Variants in ROBO3 observed in about 807,000 individuals in gnomAD.
The protein encoded by ROBO3 is roundabout guidance receptor 3.
In ROBO3, 97 loss-of-function variants were observed where a neutral mutation model predicts 160.5. That is an observed-to-expected ratio of 0.60 (90% confidence interval 0.51 to 0.72). ROBO3 has a LOEUF of 0.72. Among genes scored for constraint, ROBO3 ranks in the 30% least tolerant of loss-of-function variants. The probability of loss-of-function intolerance (pLI) is 0.00; values close to 1 mark genes in which losing one functional copy is unlikely to be tolerated. For missense variants in ROBO3, 1,858 were observed against 1,846.5 expected (o/e 1.01, Z -0.11); for synonymous variants, 780 against 746.2 (o/e 1.05, Z -0.74).
rs772338371 is a variant in ROBO3 at position 124,876,297 on chromosome 11, C to A, written c.2616C>A (p.Pro872=). Residue 872 remains proline (P), a synonymous_variant, in exon 17 of 28, where the codon CCC becomes CCA. Transcript: ENST00000397801. This position sits in a 1 kb window ranked among gnomAD's most constrained non-coding sequence, Gnocchi z 5.3. The part of the protein sequence containing the change: ...VQLPSPPDLE[P]GLEVGAGLAV... ...CAGCGTCCCCGCCGGACCTGGAGCC[C>A]GGGCTGGAGGTGGGCGCGGGGCTGG... is the stretch of plus-strand genomic sequence containing the variant. 3.4e-6 allele frequency: 5 copies of A among 1,459,552 alleles called. No individual in the cohort carries two copies. Among genetic ancestry groups the A allele is most frequent in the Non-Finnish European group, 4.5e-6 (5 of 1,118,506 alleles). The allele number at this position is 1,459,552 out of a possible 1,614,324, so 90.4% of individuals were successfully genotyped here. A position where few individuals can be genotyped will look rare whatever the true frequency, so the allele number is the denominator to read the frequency against.
In ROBO3 at chr11:124,869,429, G is replaced by GCGGCCCCCCCCCCC; in HGVS notation, c.488-20_488-19insGGCCCCCCCCCCCC. The GCGGCCCCCCCCCCC allele has an allele frequency of 7.7e-7, 1 of 1,295,746 alleles. No homozygotes were observed. Among genetic ancestry groups the GCGGCCCCCCCCCCC allele is most frequent in the Non-Finnish European group, 1.1e-6 (1 of 929,924 alleles). The allele number at this position is 1,295,746 out of a possible 1,614,324, so 80.3% of individuals were successfully genotyped here. A position where few individuals can be genotyped will look rare whatever the true frequency, so the allele number is the denominator to read the frequency against. On this transcript the variant is annotated intron_variant, in intron 2 of 27. Transcript: ENST00000397801. The surrounding 1 kb of genome is among the most constrained non-coding windows in gnomAD (Gnocchi z 4.2). ...TGTCACTCTACACCCTGCTTATTTC[G>GCGGCCCCCCCCCCC]CCCCCCACCGCCCCGCCCAGTCCTC...
At position 124,873,552 on chromosome 11, in the gene ROBO3, C is replaced by T; in HGVS notation, c.1619-145C>T. 1.0e-6 allele frequency: 1 copy of T among 957,316 alleles called. No individual in the cohort carries two copies. 59.3% of individuals were successfully genotyped at this position (957,316 alleles called of 1,614,324 possible). On this transcript the variant is annotated intron_variant, in intron 10 of 27. Transcript: ENST00000397801. The surrounding 1 kb of genome is among the most constrained non-coding windows in gnomAD (Gnocchi z 4.5). Reference sequence around the variant, plus strand: ...GGACAGTAGTGGTACCCATGGGAGGCAGATGTGAGTAGGGGTTCATATACT... The same window carrying T: ...GGACAGTAGTGGTACCCATGGGAGGTAGATGTGAGTAGGGGTTCATATACT...
Position 124,878,290 on chromosome 11 carries a change from C to G in ROBO3, c.3182-8C>G, listed in dbSNP as rs768031042. 3.4e-6 allele frequency: 5 copies of G among 1,462,846 alleles called. No individual in the cohort carries two copies. The highest frequency in any genetic ancestry group is 4.7e-6 in the Non-Finnish European group (5 of 1,066,858). 90.6% of individuals were successfully genotyped at this position (1,462,846 alleles called of 1,614,324 possible). On this transcript the variant is annotated splice_polypyrimidine_tract_variant and splice_region_variant and intron_variant, in intron 21 of 27. Coordinates refer to ENST00000397801, the MANE Select transcript of ROBO3 (RefSeq NM_022370.4). This position sits in a 1 kb window ranked among gnomAD's most constrained non-coding sequence, Gnocchi z 4.3. Reference sequence around the variant, plus strand: ...GTTCTCCGGGTGTCCCCATCCTATTCTCCTCAGGAGCCAAGGGAGGCAAAG... The same window carrying G: ...GTTCTCCGGGTGTCCCCATCCTATTGTCCTCAGGAGCCAAGGGAGGCAAAG...
In ROBO3 at chr11:124,873,140, C is replaced by T. The variant is rs559940910; in HGVS notation, c.1536+51C>T. ...TAGCTGAGAATGGCTATCTGCTCCA[C>T]GTTCCTTACACAAGTAAGTACTCAC... On this transcript the variant is annotated intron_variant, in intron 9 of 27. Transcript: ENST00000397801. This position sits in a 1 kb window ranked among gnomAD's most constrained non-coding sequence, Gnocchi z 4.5. 3.8e-5 allele frequency: 60 copies of T among 1,559,354 alleles called. No individual in the cohort carries two copies. The highest frequency in any genetic ancestry group is 3.2e-4 in the South Asian group (28 of 86,216).
chr11:124,866,057 G>C (rs1163968160), intron 1 of ROBO3, among the ~76,000 whole-genome samples: 2 of 152,154 alleles, frequency 1.3e-5, no homozygotes, highest in Non-Finnish European at 2.9e-5. Context: ...AGAAAGGCCC[G>C]GGCCCAGCGC....
At chr11:124,870,519 C>T (rs929015956) in intron 5 of ROBO3, 82 bp from the exon 6 acceptor site, 6 of 1,594,524 alleles carry the variant, frequency 3.8e-6, no homozygotes, top group Non-Finnish European at 4.3e-6. Context: ...CTTTAAGTAC[C>T]TTGACCCTGG....
rs781383281 is a variant in ROBO3, at chr11:124,877,629, A to G, written c.2957A>G (p.Asn986Ser). The change falls in exon 20 of 28, where the codon AAT becomes AGT. Residue 986 changes from asparagine (N) to serine (S), a missense_variant. Coordinates refer to ENST00000397801, the MANE Select transcript of ROBO3 (RefSeq NM_022370.4). Reference sequence around the variant, plus strand: ...CCCAGGGGAAGCTGCTGCCCTAGCAATCCTGACCCGGACGACAGATATTAC... The same window carrying G: ...CCCAGGGGAAGCTGCTGCCCTAGCAGTCCTGACCCGGACGACAGATATTAC... ...QEPRGSCCPS[N>S]PDPDDRYYNE... The G allele has an allele frequency of 1.7e-5, 28 of 1,610,818 alleles. No homozygotes were observed. The highest frequency in any genetic ancestry group is 1.0e-4 in the Admixed American group (6 of 59,622).
At position 124,869,429 on chromosome 11, in the gene ROBO3, G is replaced by GGGGGCCCCCCCCC; in HGVS notation, c.488-21_488-20insGGGGCCCCCCCCC. 7.7e-7 allele frequency: 1 copy of GGGGGCCCCCCCCC among 1,295,764 alleles called. No homozygotes were observed. The highest frequency in any genetic ancestry group is 1.8e-5 in the African/African-American group (1 of 56,334). The allele number at this position is 1,295,764 out of a possible 1,614,324, so 80.3% of individuals were successfully genotyped here. ...TGTCACTCTACACCCTGCTTATTTC[G>GGGGGCCCCCCCCC]CCCCCCACCGCCCCGCCCAGTCCTC... On this transcript the variant is annotated intron_variant, in intron 2 of 27. Transcript: ENST00000397801. This position sits in a 1 kb window ranked among gnomAD's most constrained non-coding sequence, Gnocchi z 4.2.
rs772065408 is a variant in ROBO3, at chr11:124,873,545, T to C, written c.1619-152T>C. Reference sequence around the variant, plus strand: ...ATGAGAAGGACAGTAGTGGTACCCATGGGAGGCAGATGTGAGTAGGGGTTC... The same window carrying C: ...ATGAGAAGGACAGTAGTGGTACCCACGGGAGGCAGATGTGAGTAGGGGTTC... On this transcript the variant is annotated intron_variant, in intron 10 of 27. Transcript: ENST00000397801. The surrounding 1 kb of genome is among the most constrained non-coding windows in gnomAD (Gnocchi z 4.5). Among the ~76,000 whole-genome samples, 1 of 152,180 alleles carries C rather than the reference T, an allele frequency of 6.6e-6. No homozygotes were observed. Among genetic ancestry groups the C allele is most frequent in the African/African-American group, 2.4e-5 (1 of 41,430 alleles).
rs1423360561 is a variant in ROBO3, at chr11:124,879,246, T to C, written c.3590T>C (p.Ile1197Thr). Residue 1197 changes from isoleucine (I) to threonine (T), a missense_variant, in exon 24 of 28, where the codon ATC becomes ACC. Transcript: ENST00000397801. ...PLSVSQPMLG[I>T]REARPAGLGA... ...AGTGTATCCCAGCCCATGCTGGGCATCCGTGAAGCGAGGCCTGCTGGCTTG... is the reference window on the plus strand; with the variant it reads ...AGTGTATCCCAGCCCATGCTGGGCACCCGTGAAGCGAGGCCTGCTGGCTTG... 1 of 1,563,192 alleles carries C rather than the reference T, an allele frequency of 6.4e-7. No individual in the cohort carries two copies. Among genetic ancestry groups the C allele is most frequent in the South Asian group, 1.2e-5 (1 of 84,834 alleles).
Position 124,880,928 on chromosome 11 carries a change from C to T in ROBO3, c.4150-311C>T, listed in dbSNP as rs1182594955. Among the ~76,000 whole-genome samples, 3 of 152,112 alleles carry T rather than the reference C, an allele frequency of 2.0e-5. No individual in the cohort carries two copies. The East Asian group carries it at 5.8e-4, about 29-fold the overall frequency. ...ATTAGCTGGGCGTGGTGGTATGCTC[C>T]TGTAGTCCCAGCTACTCAGGGGGCT... On this transcript the variant is annotated intron_variant, in intron 27 of 27. Coordinates refer to ENST00000397801, the MANE Select transcript of ROBO3 (RefSeq NM_022370.4).
At position 124,870,152 on chromosome 11, in the gene ROBO3, T is replaced by C; in HGVS notation, c.767-13T>C. On this transcript the variant is annotated splice_polypyrimidine_tract_variant and intron_variant, in intron 4 of 27. Coordinates refer to ENST00000397801, the MANE Select transcript of ROBO3 (RefSeq NM_022370.4). ...GCAGACACCCTGACTGTTCACTCAC[T>C]ACCACTCCATAGAGCGTCCCTCATT... The C allele has an allele frequency of 6.2e-7, 1 of 1,614,012 alleles. No homozygotes were observed. Among genetic ancestry groups the C allele is most frequent in the Non-Finnish European group, 8.5e-7 (1 of 1,179,872 alleles).
chr11:124,874,316 C>G, intron 12 of ROBO3, 80 bp downstream of exon 12: 1 of 1,324,214 alleles, frequency 7.6e-7, no homozygotes, highest in Non-Finnish European at 1.0e-6. Flanking sequence ...CATGACACCA[C>G]GGCAGTTCAT....
intron 15 of ROBO3, 78 bp from the exon 16 acceptor site, chr11:124,875,876 A>G (rs1320898221): frequency 6.6e-7 from 1 of 1,509,768 alleles, no homozygotes; most frequent in Non-Finnish European, 9.0e-7. Context: ...AGGCTTCTCT[A>G]CCATTTGGAG....
rs762298088 is a variant in ROBO3 at position 124,872,341 on chromosome 11, C to T, written c.1159-40C>T. 13 of 1,598,284 alleles carry T rather than the reference C, an allele frequency of 8.1e-6. No homozygotes were observed. In the Admixed American group the frequency reaches 1.2e-4, roughly 14 times the overall value. On this transcript the variant is annotated intron_variant, in intron 7 of 27. Coordinates refer to ENST00000397801, the MANE Select transcript of ROBO3 (RefSeq NM_022370.4). The surrounding 1 kb of genome is among the most constrained non-coding windows in gnomAD (Gnocchi z 4.3). ...ATGGGGACCTCTCCCTGCCCAGCTGCCTGCTCATTCCCTACCCTGGTTCCT... is the reference window on the plus strand; with the variant it reads ...ATGGGGACCTCTCCCTGCCCAGCTGTCTGCTCATTCCCTACCCTGGTTCCT...
Position 124,876,110 on chromosome 11 carries a change from G to A in ROBO3, c.2578G>A (p.Val860Met). The A allele has an allele frequency of 1.2e-6, 2 of 1,603,956 alleles. No homozygotes were observed. Among genetic ancestry groups the A allele is most frequent in the Non-Finnish European group, 1.7e-6 (2 of 1,177,912 alleles). Residue 860 changes from valine (V) to methionine (M), a missense_variant, in exon 16 of 28, where the codon GTG becomes ATG. Val to Met is a conservative substitution (Grantham distance 21). Coordinates refer to ENST00000397801, the MANE Select transcript of ROBO3 (RefSeq NM_022370.4). This position sits in a 1 kb window ranked among gnomAD's most constrained non-coding sequence, Gnocchi z 5.3. Reference sequence around the variant, plus strand: ...AGGCGTGGGCGTGCCCAGTGCCCCAGTGCTGGTGCAGCTGCGTGAGTCCAC... The same window carrying A: ...AGGCGTGGGCGTGCCCAGTGCCCCAATGCTGGTGCAGCTGCGTGAGTCCAC... ...SAGVGVPSAP[V>M]LVQLPSPPDL...
chr11:124,865,438 A>T lies in ROBO3; in HGVS notation c.-140A>T. 2 of 791,902 alleles carry T rather than the reference A, an allele frequency of 2.5e-6. No individual in the cohort carries two copies. Among genetic ancestry groups the T allele is most frequent in the Non-Finnish European group, 4.0e-6 (2 of 504,304 alleles). The allele number at this position is 791,902 out of a possible 1,614,324, so 49.1% of individuals were successfully genotyped here. A position where few individuals can be genotyped will look rare whatever the true frequency, so the allele number is the denominator to read the frequency against. On this transcript the variant is annotated 5_prime_UTR_variant, in exon 1 of 28. Coordinates refer to ENST00000397801, the MANE Select transcript of ROBO3 (RefSeq NM_022370.4). This position sits in a 1 kb window ranked among gnomAD's most constrained non-coding sequence, Gnocchi z 5.5. ...GCACGAAGAGGCACCGACCGTACCC[A>T]GGCGCACCGGCAGGAGAGCGGCACC...
At position 124,878,528 on chromosome 11, in the gene ROBO3, G is replaced by C; in HGVS notation, c.3321-56G>C. On this transcript the variant is annotated intron_variant, in intron 22 of 27. Transcript: ENST00000397801. This position sits in a 1 kb window ranked among gnomAD's most constrained non-coding sequence, Gnocchi z 4.3. Reference sequence around the variant, plus strand: ...GGGAGGGGGCAGCAGGAAGGCCAACGGGAAGGTATGGAAGCAGCTGAGCCC... The same window carrying C: ...GGGAGGGGGCAGCAGGAAGGCCAACCGGAAGGTATGGAAGCAGCTGAGCCC... 6.2e-7 allele frequency: 1 copy of C among 1,600,578 alleles called. No individual in the cohort carries two copies.
Position 124,877,593 on chromosome 11 carries a change from C to A in ROBO3, c.2921C>A (p.Ser974Ter). Reference sequence around the variant, plus strand: ...TGGCCCCACCCATCTCGAAGCCCCTCGGCCCAGGAACCCAGGGGAAGCTGC... The same window carrying A: ...TGGCCCCACCCATCTCGAAGCCCCTAGGCCCAGGAACCCAGGGGAAGCTGC... Reference protein sequence around the residue: ...DSWPHPSRSPSAQEPRGSCCP... With the variant: ...DSWPHPSRSP Residue 974 changes from serine to a stop codon, truncating the protein, a stop_gained, in exon 20 of 28, where the codon TCG (serine) becomes TAG (stop). Transcript: ENST00000397801. LOFTEE classifies it high-confidence loss of function. The A allele has an allele frequency of 1.2e-6, 2 of 1,607,578 alleles. No homozygotes were observed. The highest frequency in any genetic ancestry group is 1.7e-5 in the Admixed American group (1 of 59,142).
Sources: allele counts gnomAD v4.1 joint callset (sites outside exome capture counted in the v4.1 genomes callset), GRCh38; gene constraint gnomAD v4.1.1; non-coding constraint Gnocchi (gnomAD v3.1); transcripts MANE v1.5; gene names NCBI Gene and HGNC (gene_info 2026-07-23, HGNC 2026-07-21).